CHRDL1: variants seen among roughly 807,000 people sequenced by gnomAD.
CHRDL1 encodes the protein chordin like 1.
Under a neutral mutation model 40.9 loss-of-function variants are expected in CHRDL1, and 19 were observed. That is an observed-to-expected ratio of 0.46 (90% CI 0.32 to 0.68). CHRDL1 has a LOEUF of 0.68. Ranked by LOEUF, CHRDL1 falls within the 30% of genes least tolerant of loss-of-function variation. The pLI is 0.03. For missense variants in CHRDL1, 329 were observed against 352.1 expected (o/e 0.93, Z 0.53); for synonymous variants, 136 against 123.4 (o/e 1.10, Z -0.68).
intron 9 of CHRDL1, among the ~76,000 whole-genome samples, chrX:110,686,176 T>C (rs888050255): frequency 2.7e-5 from 3 of 111,553 alleles, no homozygotes; most frequent in Non-Finnish European, 5.6e-5. Flanking sequence ...GTATTACAGG[T>C]GTGAGTCACT....
chrX:110,686,490 C>A (rs761730449), intron 9 of CHRDL1, among the ~76,000 whole-genome samples: 2 of 111,095 alleles, frequency 1.8e-5, no homozygotes, highest in Admixed American at 1.9e-4. Context: ...GTGTTAGACC[C>A]CTGACAGAAG....
intron 2 of CHRDL1, among the ~76,000 whole-genome samples, chrX:110,769,357 T>C (rs1341598276): frequency 8.9e-6 from 1 of 112,160 alleles, no homozygotes; most frequent in Non-Finnish European, 1.9e-5. Flanking sequence ...AAAATTGAAG[T>C]AATAAAGACA....
intron 4 of CHRDL1, among the ~76,000 whole-genome samples, chrX:110,734,515 A>C (rs2071229065): frequency 8.9e-6 from 1 of 111,766 alleles, no homozygotes; most frequent in East Asian, 2.8e-4. Flanking sequence ...CTAGGGTTCT[A>C]TCTCCAAGAG....
At chrX:110,735,975 C>T (rs1335402329) in intron 4 of CHRDL1, among the ~76,000 whole-genome samples, 2 of 112,072 alleles carry the variant, frequency 1.8e-5, no homozygotes, top group East Asian at 2.8e-4. Flanking sequence ...GAAAAGTTAT[C>T]CCCCAATGCA....
intron 4 of CHRDL1, among the ~76,000 whole-genome samples, chrX:110,732,139 A>C (rs887788621): frequency 5.4e-5 from 6 of 111,578 alleles, no homozygotes; most frequent in Admixed American, 3.8e-4. Flanking sequence ...TTAAAAAGAA[A>C]GGGAGAATCA....
chrX:110,736,353 T>C (rs775345494), intron 4 of CHRDL1, among the ~76,000 whole-genome samples: 2 of 112,138 alleles, frequency 1.8e-5, no homozygotes, highest in Admixed American at 1.9e-4. Flanking sequence ...TTGATTGCCA[T>C]GGGATGGTGA....
At chrX:110,788,972 A>G (rs780189818) in intron 2 of CHRDL1, among the ~76,000 whole-genome samples, 63 of 111,882 alleles carry the variant, frequency 5.6e-4, no homozygotes, top group African/African-American at 2.0e-3. Context: ...TCCTAGGAAT[A>G]AGAAATCCAG....
intron 2 of CHRDL1, among the ~76,000 whole-genome samples, chrX:110,767,598 C>CAATAAAATAAAATAAAATAAAATAA (rs66986770): frequency 3.6e-5 from 3 of 83,081 alleles, no homozygotes; most frequent in African/African-American, 1.3e-4. Context: ...ACAAAGGATG[C>CAATAAAATAAAATAAAATAAAATAA]AATAAAATAA....
intron 4 of CHRDL1, among the ~76,000 whole-genome samples, chrX:110,733,698 A>C (rs900547090): frequency 4.7e-4 from 52 of 110,819 alleles, no homozygotes; most frequent in African/African-American, 1.7e-3. Context: ...ACCTGAGGTC[A>C]GGAGTTCGAG....
At chrX:110,792,335 G>A (rs1490907378) in intron 1 of CHRDL1, 120 bp from the exon 2 acceptor site, 2 of 393,705 alleles carry the variant, frequency 5.1e-6, no homozygotes, top group African/African-American at 5.2e-5. Context: ...ATTTACATAA[G>A]TGTAAGTATT....
intron 4 of CHRDL1, among the ~76,000 whole-genome samples, chrX:110,744,960 T>A: frequency 1.1e-5 from 1 of 91,354 alleles, no homozygotes; most frequent in East Asian, 3.3e-4. Flanking sequence ...CTCTCTCTCA[T>A]TCACACACAC....
chrX:110,686,510 T>C (rs2070018389), intron 9 of CHRDL1, among the ~76,000 whole-genome samples: 1 of 111,667 alleles, frequency 9.0e-6, no homozygotes, highest in African/African-American at 3.3e-5. Context: ...GAGAAAATTG[T>C]GTTCATGAAA....
At chrX:110,677,376 TAA>T (rs1014159442) in intron 11 of CHRDL1, among the ~76,000 whole-genome samples, 4 of 111,568 alleles carry the variant, frequency 3.6e-5, no homozygotes, top group Non-Finnish European at 5.7e-5. Flanking sequence ...GCACATTATA[TAA>T]AAGAGTTGGG....
chrX:110,716,150 T>C (rs1473955009), intron 6 of CHRDL1, among the ~76,000 whole-genome samples: 1 of 111,959 alleles, frequency 8.9e-6, no homozygotes, highest in Non-Finnish European at 1.9e-5. Flanking sequence ...CCTAAAGTGG[T>C]ATAGGGGAAG....
chrX:110,740,293 C>A (rs2071337362), intron 4 of CHRDL1, among the ~76,000 whole-genome samples: 1 of 112,738 alleles, frequency 8.9e-6, no homozygotes, highest in Non-Finnish European at 1.9e-5. Context: ...TCCTTCCAGG[C>A]ACATGGTAGT....
At chrX:110,739,497 A>G (rs1381953260) in intron 4 of CHRDL1, among the ~76,000 whole-genome samples, 4 of 111,583 alleles carry the variant, frequency 3.6e-5, no homozygotes, top group Non-Finnish European at 7.5e-5. Flanking sequence ...AGGACCACAT[A>G]CCAGAGGCTC....
intron 2 of CHRDL1, among the ~76,000 whole-genome samples, chrX:110,769,058 T>C (rs2089711108): frequency 8.9e-6 from 1 of 111,779 alleles, no homozygotes; most frequent in South Asian, 3.7e-4. Flanking sequence ...TTATTGTACA[T>C]GATATATTTC....
chrX:110,745,551 T>C (rs1306979394), intron 4 of CHRDL1, among the ~76,000 whole-genome samples: 1 of 111,834 alleles, frequency 8.9e-6, no homozygotes, highest in Non-Finnish European at 1.9e-5. Flanking sequence ...GCCATTCATC[T>C]GTCAGAACCC....
intron 6 of CHRDL1, among the ~76,000 whole-genome samples, chrX:110,714,657 G>A (rs2070809108): frequency 1.8e-5 from 2 of 111,641 alleles, no homozygotes; most frequent in South Asian, 7.6e-4. Context: ...AGCCAATGAA[G>A]GCTAGGTCTG....
Sources: gnomAD v4.1 joint callset for allele counts (sites outside exome capture counted in the v4.1 genomes callset) on GRCh38, gnomAD v4.1.1 for gene constraint, MANE v1.5 for transcripts, NCBI Gene and HGNC (gene_info 2026-07-23, HGNC 2026-07-21) for gene names.